PIKFYVE: variants seen among roughly 807,000 people sequenced by gnomAD.
PIKFYVE encodes the protein phosphoinositide kinase, FYVE-type zinc finger containing.
Under a neutral mutation model 257.9 loss-of-function variants are expected in PIKFYVE, and 122 were observed. The observed-to-expected ratio is 0.47, with a 90% confidence interval of 0.41 to 0.55. The LOEUF is 0.55. Among genes scored for constraint, PIKFYVE ranks in the 20% least tolerant of loss-of-function variants. PIKFYVE has a pLI of 0.00. For missense variants in PIKFYVE, 2,160 were observed against 2,536.6 expected (o/e 0.85, Z 3.19); for synonymous variants, 892 against 868.9 (o/e 1.03, Z -0.47).
chr2:208,328,143 C>T, intron 20 of PIKFYVE, 37 bp from the exon 21 acceptor site: 1 of 1,612,606 alleles, frequency 6.2e-7, no homozygotes. Flanking sequence ...AATGCGGTTG[C>T]AGTCACTTGC....
At position 208,328,334 on chromosome 2, in the gene PIKFYVE, T is replaced by TA. The variant is rs1004695424; in HGVS notation, c.3719+63dup. On this transcript the variant is annotated intron_variant, in intron 21 of 41. Transcript: ENST00000264380. ...CACATAAGAACAGAATTCCAGCAAT[T>TA]AAAAAAAAACAAAAACAAAAAAACA... The TA allele has an allele frequency of 3.9e-4, 618 of 1,586,622 alleles. 1 individual carries two copies. The highest frequency in any genetic ancestry group is 1.0e-3 in the Middle Eastern group (6 of 5,958).
chr2:208,281,579 T>C (rs556628511), intron 5 of PIKFYVE, among the ~76,000 whole-genome samples: 1 of 152,174 alleles, frequency 6.6e-6, no homozygotes, highest in Non-Finnish European at 1.5e-5. Flanking sequence ...ATAGGTCTGG[T>C]AGCAAAGAGG....
At chr2:208,351,691 A>AG (rs1415463036) in intron 38 of PIKFYVE, among the ~76,000 whole-genome samples, 1 of 152,090 alleles carries the variant, frequency 6.6e-6, no homozygotes, top group Non-Finnish European at 1.5e-5. Flanking sequence ...GTGGAAGGCA[A>AG]GGGGAGCCAG....
Position 208,273,566 on chromosome 2 carries a change from A to G in PIKFYVE, c.173-18A>G. ...AACTCTCAGTCTTTAAATAATGCCAAGCGTTCCCTTGCTACAGAGAGAGCA... is the reference window on the plus strand; with the variant it reads ...AACTCTCAGTCTTTAAATAATGCCAGGCGTTCCCTTGCTACAGAGAGAGCA... On this transcript the variant is annotated intron_variant, in intron 2 of 41. Transcript: ENST00000264380. 2.5e-6 allele frequency: 4 copies of G among 1,614,146 alleles called. No homozygotes were observed. The highest frequency in any genetic ancestry group is 3.4e-6 in the Non-Finnish European group (4 of 1,180,018).
rs551764790 is a variant in PIKFYVE at position 208,273,468 on chromosome 2, A to T, written c.173-116A>T. 558 of 1,206,558 alleles carry T rather than the reference A, an allele frequency of 4.6e-4. 3 individuals carry two copies. Among genetic ancestry groups the T allele is most frequent in the African/African-American group, 1.1e-4 (7 of 64,738 alleles). 74.7% of individuals were successfully genotyped at this position (1,206,558 alleles called of 1,614,324 possible). ...AAATAAATGAAAAAGGAAAAAAAAA[A>T]TTTTTAGTTACGCATATAATACATG... is the stretch of plus-strand genomic sequence containing the variant. On this transcript the variant is annotated intron_variant, in intron 2 of 41. Coordinates refer to ENST00000264380, the MANE Select transcript of PIKFYVE (RefSeq NM_015040.4).
intron 28 of PIKFYVE, among the ~76,000 whole-genome samples, chr2:208,337,211 A>G (rs1698219757): frequency 6.6e-6 from 1 of 152,160 alleles, no homozygotes; most frequent in African/African-American, 2.4e-5. Flanking sequence ...AGTGCTACAG[A>G]GGAAAGTCAG....
chr2:208,347,764 A>G (rs1699367155), intron 34 of PIKFYVE, 95 bp from the exon 35 acceptor site: 2 of 1,029,534 alleles, frequency 1.9e-6, no homozygotes, highest in Admixed American at 2.0e-5. Flanking sequence ...AGCTTCATAT[A>G]GTGGTTACAA....
chr2:208,330,956 A>G (rs1007827940), intron 23 of PIKFYVE, among the ~76,000 whole-genome samples: 1 of 152,148 alleles, frequency 6.6e-6, no homozygotes, highest in African/African-American at 2.4e-5. Context: ...GTATCATGAC[A>G]TATCTCAATT....
At chr2:208,324,553 A>G (rs6435444) in intron 18 of PIKFYVE, among the ~76,000 whole-genome samples, 141,561 of 152,136 alleles carry the variant, frequency 0.93, 66,369 homozygotes, top group Non-Finnish European at 0.98. Flanking sequence ...TTGATCCTTC[A>G]TTTTTGTTGG....
chr2:208,329,132 A>T (rs1472152284), intron 21 of PIKFYVE, among the ~76,000 whole-genome samples: 1 of 152,198 alleles, frequency 6.6e-6, no homozygotes, highest in African/African-American at 2.4e-5. Context: ...ACATAGCCTT[A>T]CATTACATGT....
intron 5 of PIKFYVE, among the ~76,000 whole-genome samples, chr2:208,278,991 C>G (rs1049643622): frequency 4.6e-5 from 7 of 152,176 alleles, no homozygotes; most frequent in Non-Finnish European, 1.0e-4. Context: ...AAACCGTCTT[C>G]CACAGTGGCT....
chr2:208,347,762 A>G (rs1699366556), intron 34 of PIKFYVE, 97 bp from the exon 35 acceptor site: 3 of 1,015,468 alleles, frequency 3.0e-6, no homozygotes, highest in Admixed American at 2.0e-5. Flanking sequence ...TTAGCTTCAT[A>G]TAGTGGTTAC....
Position 208,277,580 on chromosome 2 carries a change from A to G in PIKFYVE, c.485A>G (p.Lys162Arg). Residue 162 changes from lysine (K) to arginine (R), a missense_variant, in exon 5 of 42, where the codon AAA becomes AGA. Physicochemically the swap from Lys to Arg is conservative, Grantham distance 26 (BLOSUM62 2). Coordinates refer to ENST00000264380, the MANE Select transcript of PIKFYVE (RefSeq NM_015040.4). The part of the protein sequence containing the change: ...KQYWMPDSQC[K>R]ECYDCSEKFT... ...TACTGGATGCCAGATAGCCAATGTA[A>G]AGAGTGCTATGACTGTAGTGAGAAA... The G allele has an allele frequency of 6.2e-7, 1 of 1,613,932 alleles. No individual in the cohort carries two copies. Among genetic ancestry groups the G allele is most frequent in the South Asian group, 1.1e-5 (1 of 91,074 alleles).
chr2:208,319,688 T>C lies in PIKFYVE; in HGVS notation c.2083-564T>C, dbSNP rs1695977739. The stretch of plus-strand genomic sequence containing the variant: ...TCTGCCTGTGGCTTTAAGCACACGA[T>C]TAGGGTATATTATTTGGGTCTCTGC... On this transcript the variant is annotated intron_variant, in intron 16 of 41. Coordinates refer to ENST00000264380, the MANE Select transcript of PIKFYVE (RefSeq NM_015040.4). Among the ~76,000 whole-genome samples the C allele has an allele frequency of 2.0e-5, 3 of 152,166 alleles. No individual in the cohort carries two copies. In the South Asian group the frequency reaches 6.2e-4, roughly 31 times the overall value.
chr2:208,348,762 CACT>C (rs1196835644), intron 35 of PIKFYVE, among the ~76,000 whole-genome samples: 1 of 152,046 alleles, frequency 6.6e-6, no homozygotes, highest in Non-Finnish European at 1.5e-5. Flanking sequence ...TGGTTGCTTT[CACT>C]TTATATTGGC....
intron 15 of PIKFYVE, among the ~76,000 whole-genome samples, chr2:208,315,953 C>T (rs1416916854): frequency 1.3e-5 from 2 of 150,430 alleles, no homozygotes; most frequent in African/African-American, 4.9e-5. Flanking sequence ...TATACATGTG[C>T]CATGCTGGTG....
intron 5 of PIKFYVE, among the ~76,000 whole-genome samples, chr2:208,277,960 A>C (rs371479684): frequency 1.3e-5 from 2 of 152,204 alleles, no homozygotes; most frequent in South Asian, 4.1e-4. Context: ...GGAACATTAA[A>C]ATTTATTAGA....
intron 20 of PIKFYVE, among the ~76,000 whole-genome samples, chr2:208,326,841 CAAAA>C (rs934712010): frequency 2.0e-5 from 3 of 151,936 alleles, no homozygotes; most frequent in Non-Finnish European, 4.4e-5. Context: ...TTTGTTTTCT[CAAAA>C]AAAGTTAGCT....
chr2:208,354,757 G>A, intron 41 of PIKFYVE, 112 bp downstream of exon 41: 1 of 840,664 alleles, frequency 1.2e-6, no homozygotes, highest in Non-Finnish European at 2.0e-6. Context: ...GGTTATCATT[G>A]ATTTCATTGT....
Sources: allele counts gnomAD v4.1 joint callset (sites outside exome capture counted in the v4.1 genomes callset), GRCh38; gene constraint gnomAD v4.1.1; transcripts MANE v1.5; gene names NCBI Gene and HGNC (gene_info 2026-07-23, HGNC 2026-07-21).